NRCAM: variants seen among roughly 807,000 people sequenced by gnomAD.
The protein encoded by NRCAM is NgCAM-related cell adhesion molecule.
NRCAM carries 83 observed loss-of-function variants against 156.5 expected under a neutral mutation model. The ratio of observed to expected loss-of-function variants is 0.53; its 90% CI spans 0.44 to 0.64. NRCAM has a LOEUF of 0.64. Among genes scored for constraint, NRCAM ranks in the 30% least tolerant of loss-of-function variants. The pLI is 0.00. For synonymous variants in NRCAM, 538 were observed against 563.9 expected (o/e 0.95, Z 0.65); for missense variants, 1,417 against 1,597.3 (o/e 0.89, Z 1.92).
intron 32 of NRCAM, among the ~76,000 whole-genome samples, chr7:108,151,462 A>C (rs1055991038): frequency 6.6e-6 from 1 of 152,010 alleles, no homozygotes; most frequent in African/African-American, 2.4e-5. Flanking sequence ...AAGATGCACA[A>C]GTATCCTGGC....
chr7:108,396,249 T>C (rs1466343046), intron 2 of NRCAM, among the ~76,000 whole-genome samples: 1 of 152,100 alleles, frequency 6.6e-6, no homozygotes, highest in Non-Finnish European at 1.5e-5. Context: ...CATAAATGAG[T>C]AGAAACTTTT....
intron 1 of NRCAM, among the ~76,000 whole-genome samples, chr7:108,411,687 G>A (rs978063444): frequency 6.6e-6 from 1 of 151,978 alleles, no homozygotes; most frequent in Non-Finnish European, 1.5e-5. Flanking sequence ...GCGCCACCAC[G>A]CCCGGCTAAT....
At chr7:108,447,748 TTATCA>T (rs1367800824) in intron 1 of NRCAM, among the ~76,000 whole-genome samples, 1 of 152,320 alleles carries the variant, frequency 6.6e-6, no homozygotes, top group East Asian at 1.9e-4. Context: ...TGTAAATGTC[TTATCA>T]TATTTCATTT....
At chr7:108,204,589 G>A (rs1019891692) in intron 13 of NRCAM, among the ~76,000 whole-genome samples, 5 of 152,216 alleles carry the variant, frequency 3.3e-5, no homozygotes, top group Non-Finnish European at 5.9e-5. Flanking sequence ...CCAGCACCAC[G>A]GAGCGGCCTG....
chr7:108,207,443 A>AT lies in NRCAM; in HGVS notation c.1207+84dup, dbSNP rs1156897199. On this transcript the variant is annotated intron_variant, in intron 13 of 32. Transcript: ENST00000379028. ...GTGGCTTCCTTCCTTAACCTGAGTTATTTTTTTATCACCATTTATTCACTG... is the reference window on the plus strand; with the variant it reads ...GTGGCTTCCTTCCTTAACCTGAGTTATTTTTTTTATCACCATTTATTCACTG... 18 of 1,409,496 alleles carry AT rather than the reference A, an allele frequency of 1.3e-5. No individual in the cohort carries two copies. In the East Asian group the frequency reaches 2.6e-4, roughly 20 times the overall value. 87.3% of individuals were successfully genotyped at this position (1,409,496 alleles called of 1,614,324 possible). A position where few individuals can be genotyped will look rare whatever the true frequency, so the allele number is the denominator to read the frequency against.
chr7:108,276,866 G>A (rs187362406), intron 3 of NRCAM, among the ~76,000 whole-genome samples: 39 of 151,514 alleles, frequency 2.6e-4, no homozygotes, highest in African/African-American at 9.2e-4. Flanking sequence ...TTTTGCAGTG[G>A]CGGTACTGGT....
chr7:108,228,149 C>T (rs1589157825), intron 8 of NRCAM, among the ~76,000 whole-genome samples: 1 of 152,080 alleles, frequency 6.6e-6, no homozygotes, highest in Non-Finnish European at 1.5e-5. Context: ...TGGCAAAACC[C>T]TGTCTCTACT....
intron 3 of NRCAM, among the ~76,000 whole-genome samples, chr7:108,254,294 A>G (rs186224568): frequency 2.0e-5 from 3 of 152,372 alleles, no homozygotes; most frequent in Admixed American, 2.0e-4. Flanking sequence ...AAAAAGATGG[A>G]CAAAAATTTC....
At position 108,147,820 on chromosome 7, in the gene NRCAM, C is replaced by CTATT. The variant is rs2039594865; in HGVS notation, c.*2086_*2089dup. 6.6e-6 allele frequency: 1 copy of CTATT among 152,616 alleles called. No individual in the cohort carries two copies. The highest frequency in any genetic ancestry group is 1.5e-5 in the Non-Finnish European group (1 of 68,028). The allele number at this position is 152,616 out of a possible 1,614,324, so 9.5% of individuals were successfully genotyped here. A position where few individuals can be genotyped will look rare whatever the true frequency, so the allele number is the denominator to read the frequency against. On this transcript the variant is annotated 3_prime_UTR_variant, in exon 33 of 33. Transcript: ENST00000379028. ...AATTTTTAATACCAAATCTGTTGCA[C>CTATT]TATTACAGAAGTGACCCTTTCATGC...
chr7:108,195,968 G>A, intron 14 of NRCAM, 96 bp from the exon 15 acceptor site: 1 of 804,860 alleles, frequency 1.2e-6, no homozygotes, highest in Non-Finnish European at 2.1e-6. Flanking sequence ...TAAAGTTTAT[G>A]GTAAAGCACA....
intron 2 of NRCAM, among the ~76,000 whole-genome samples, chr7:108,360,575 A>T (rs2099543058): frequency 1.3e-5 from 2 of 152,200 alleles, no homozygotes; most frequent in South Asian, 4.1e-4. Context: ...TGAAGAATTC[A>T]TACTTCCTAA....
intron 1 of NRCAM, among the ~76,000 whole-genome samples, chr7:108,427,926 C>T (rs1305828591): frequency 6.6e-6 from 1 of 152,132 alleles, no homozygotes; most frequent in African/African-American, 2.4e-5. Flanking sequence ...TCAAGGCTCC[C>T]CTGTGGCCTC....
At chr7:108,158,415 TCTA>T (rs1293932803) in intron 32 of NRCAM, among the ~76,000 whole-genome samples, 1 of 152,178 alleles carries the variant, frequency 6.6e-6, no homozygotes, top group Non-Finnish European at 1.5e-5. Context: ...CTCAATCAGT[TCTA>T]CATTTTTTAT....
intron 2 of NRCAM, chr7:108,313,197 G>A (rs1360504559): frequency 6.6e-6 from 1 of 152,126 alleles, no homozygotes; most frequent in Non-Finnish European, 1.5e-5. Flanking sequence ...TGAGGAGTGA[G>A]TTCCACCTGG....
At chr7:108,227,989 T>C (rs889119013) in intron 8 of NRCAM, among the ~76,000 whole-genome samples, 6 of 152,194 alleles carry the variant, frequency 3.9e-5, no homozygotes, top group African/African-American at 1.4e-4. Context: ...TGCAAATTTA[T>C]GGTTTTAAGC....
At chr7:108,352,665 C>G (rs2099425149) in intron 2 of NRCAM, among the ~76,000 whole-genome samples, 1 of 152,142 alleles carries the variant, frequency 6.6e-6, no homozygotes, top group Non-Finnish European at 1.5e-5. Flanking sequence ...TGACAAATAT[C>G]AACAGAATAA....
chr7:108,312,157 A>C (rs1288524216), intron 3 of NRCAM, among the ~76,000 whole-genome samples: 1 of 152,206 alleles, frequency 6.6e-6, no homozygotes, highest in African/African-American at 2.4e-5. Flanking sequence ...TTTACAAAGC[A>C]GAAATCACAT....
rs5886442 is a variant in NRCAM at position 108,181,195 on chromosome 7, G to GAA, written c.2646+625_2646+626dup. 1.0e-3 allele frequency among the ~76,000 whole-genome samples: 152 copies of GAA among 148,688 alleles called. 3 individuals are homozygous for GAA. Among genetic ancestry groups the GAA allele is most frequent in the East Asian group, 9.8e-4 (5 of 5,096 alleles). On this transcript the variant is annotated intron_variant, in intron 24 of 32. Transcript: ENST00000379028. ...ACATGGAATCTGGCAATGCTAGGGGGAAAAAAAAAAAGTTGAATGTGATGT... is the reference window on the plus strand; with the variant it reads ...ACATGGAATCTGGCAATGCTAGGGGGAAAAAAAAAAAAAGTTGAATGTGATGT...
At chr7:108,326,599 T>A (rs1371553488) in intron 2 of NRCAM, among the ~76,000 whole-genome samples, 1 of 152,178 alleles carries the variant, frequency 6.6e-6, no homozygotes, top group Non-Finnish European at 1.5e-5. Context: ...CATAGTCACT[T>A]GAAGAGCAAG....
Sources: allele counts gnomAD v4.1 joint callset (sites outside exome capture counted in the v4.1 genomes callset), GRCh38; gene constraint gnomAD v4.1.1; transcripts MANE v1.5; gene names NCBI Gene and HGNC (gene_info 2026-07-23, HGNC 2026-07-21).